Variants in OPCML observed in about 807,000 individuals in gnomAD.
OPCML encodes the protein opioid-binding protein/cell adhesion molecule.
In OPCML, 13 loss-of-function variants were observed where a neutral mutation model predicts 37.8. That is an observed-to-expected ratio of 0.34 (90% CI 0.22 to 0.55). OPCML has a LOEUF of 0.55. OPCML is among the 20% of genes least tolerant of loss of function. The pLI is 0.91. For synonymous variants in OPCML, 176 were observed against 168.8 expected (o/e 1.04, Z -0.33); for missense variants, 341 against 435.6 (o/e 0.78, Z 1.93).
At chr11:133,408,777 A>G (rs1158613259) in intron 1 of OPCML, among the ~76,000 whole-genome samples, 1 of 152,216 alleles carries the variant, frequency 6.6e-6, no homozygotes, top group African/African-American at 2.4e-5. Context: ...AACACCACAC[A>G]GACAGTGGCC....
intron 3 of OPCML, among the ~76,000 whole-genome samples, chr11:132,554,725 A>G (rs145952579): frequency 6.6e-6 from 1 of 152,216 alleles, no homozygotes; most frequent in African/African-American, 2.4e-5. Flanking sequence ...TTAGCTTAGG[A>G]GTTTGCCTAA....
chr11:132,515,919 CAG>C (rs1193733048), intron 4 of OPCML, among the ~76,000 whole-genome samples: 3 of 152,120 alleles, frequency 2.0e-5, no homozygotes, highest in African/African-American at 7.2e-5. Context: ...TGGTGTCACA[CAG>C]AGAACTGGAT....
At chr11:132,801,507 G>T (rs1007971662) in intron 2 of OPCML, among the ~76,000 whole-genome samples, 20 of 152,084 alleles carry the variant, frequency 1.3e-4, no homozygotes, top group African/African-American at 4.1e-4. Flanking sequence ...ACCAATTCCA[G>T]GTATATTTAA....
At chr11:132,523,553 G>A (rs2096299872) in intron 4 of OPCML, among the ~76,000 whole-genome samples, 1 of 151,816 alleles carries the variant, frequency 6.6e-6, no homozygotes, top group African/African-American at 2.4e-5. Flanking sequence ...AAAGACAGGT[G>A]CACTGACTTT....
chr11:133,160,805 G>C (rs1037266893), intron 1 of OPCML, among the ~76,000 whole-genome samples: 2 of 152,218 alleles, frequency 1.3e-5, no homozygotes. Context: ...GAGACCATTA[G>C]AGCTAGACAT....
chr11:132,449,023 G>A (rs1227834058), intron 4 of OPCML, among the ~76,000 whole-genome samples: 1 of 152,150 alleles, frequency 6.6e-6, no homozygotes, highest in Non-Finnish European at 1.5e-5. Flanking sequence ...TGGCATTGAT[G>A]GACTGAGTTC....
chr11:132,978,853 G>A (rs1482940999), intron 1 of OPCML, among the ~76,000 whole-genome samples: 2 of 152,104 alleles, frequency 1.3e-5, no homozygotes, highest in East Asian at 1.9e-4. Context: ...CTCTTTCTCC[G>A]AATTCCAGAA....
chr11:132,845,296 G>C (rs182813046), intron 2 of OPCML, among the ~76,000 whole-genome samples: 1 of 152,094 alleles, frequency 6.6e-6, no homozygotes, highest in Admixed American at 6.5e-5. Flanking sequence ...GCCATTTACC[G>C]CATGCTTAGG....
At chr11:132,753,317 C>T (rs1225748950) in intron 2 of OPCML, among the ~76,000 whole-genome samples, 1 of 152,108 alleles carries the variant, frequency 6.6e-6, no homozygotes, top group South Asian at 2.1e-4. Context: ...AGTGTATCTC[C>T]CTCATTCTGA....
intron 2 of OPCML, among the ~76,000 whole-genome samples, chr11:132,797,420 T>G (rs543024156): frequency 4.3e-4 from 66 of 152,242 alleles, no homozygotes; most frequent in Admixed American, 7.8e-4. Flanking sequence ...ACTTTAAAAG[T>G]GAGTATTTAT....
intron 1 of OPCML, among the ~76,000 whole-genome samples, chr11:133,259,837 A>G (rs925668003): frequency 2.6e-5 from 4 of 152,182 alleles, no homozygotes; most frequent in African/African-American, 7.2e-5. Context: ...TACTCATTCA[A>G]TAGATATTTA....
chr11:133,304,239 T>C (rs1942855758), intron 1 of OPCML, among the ~76,000 whole-genome samples: 1 of 152,222 alleles, frequency 6.6e-6, no homozygotes, highest in South Asian at 2.1e-4. Context: ...ACATTCACTA[T>C]AACGTAGCCC....
intron 1 of OPCML, among the ~76,000 whole-genome samples, chr11:133,374,912 G>A (rs7933814): frequency 0.25 from 37,470 of 151,858 alleles, 6,627 homozygotes; most frequent in African/African-American, 0.51. Flanking sequence ...TCGCTGAGGC[G>A]TCACTTTATG....
At chr11:132,732,404 A>G (rs1945107902) in intron 2 of OPCML, among the ~76,000 whole-genome samples, 1 of 152,150 alleles carries the variant, frequency 6.6e-6, no homozygotes, top group Non-Finnish European at 1.5e-5. Context: ...GGGGTTATAG[A>G]CAAAGTAGTA....
rs1234755776 is a variant in OPCML at position 132,561,689 on chromosome 11, T to C, written c.380-32503A>G. Among the ~76,000 whole-genome samples the C allele has an allele frequency of 4.6e-5, 7 of 152,402 alleles. No individual in the cohort carries two copies. In the South Asian group the frequency reaches 1.4e-3, roughly 32 times the overall value. ...ACTGTAAAATGAATTCATGTCATAC[T>C]TAATCATTTCTGTGAATTTAAATTC... On this transcript the variant is annotated intron_variant, in intron 3 of 7. Coordinates refer to ENST00000524381, the MANE Select transcript of OPCML (RefSeq NM_001012393.5).
chr11:133,241,534 A>T (rs1940730573), intron 1 of OPCML, among the ~76,000 whole-genome samples: 1 of 152,350 alleles, frequency 6.6e-6, no homozygotes, highest in African/African-American at 2.4e-5. Flanking sequence ...TATCATTTAC[A>T]AAGCTCTTCA....
intron 1 of OPCML, among the ~76,000 whole-genome samples, chr11:133,438,147 G>A (rs1313430114): frequency 6.6e-6 from 1 of 152,216 alleles, no homozygotes; most frequent in Non-Finnish European, 1.5e-5. Context: ...AATCCCAGAT[G>A]TTCTCAACCA....
chr11:132,781,042 G>A (rs976255908), intron 2 of OPCML, among the ~76,000 whole-genome samples: 14 of 152,098 alleles, frequency 9.2e-5, no homozygotes, highest in South Asian at 2.1e-4. Context: ...AATGTATCAA[G>A]TACTGTCTGT....
intron 3 of OPCML, among the ~76,000 whole-genome samples, chr11:132,548,651 C>T (rs1428797496): frequency 1.3e-5 from 2 of 152,160 alleles, no homozygotes; most frequent in Admixed American, 6.5e-5. Context: ...GAAGAGACAG[C>T]AGGGGATCTC....
Sources: gnomAD v4.1 joint callset for allele counts (sites outside exome capture counted in the v4.1 genomes callset) on GRCh38, gnomAD v4.1.1 for gene constraint, MANE v1.5 for transcripts, NCBI Gene and HGNC (gene_info 2026-07-23, HGNC 2026-07-21) for gene names.